GRPEL1: variants seen among roughly 807,000 people sequenced by gnomAD.
GRPEL1 encodes GrpE like 1, mitochondrial, also known as grpE protein homolog 1, mitochondrial.
A neutral mutation model predicts 22.1 loss-of-function variants in GRPEL1; 13 were observed. The observed-to-expected ratio is 0.59, with a 90% confidence interval of 0.38 to 0.94. GRPEL1 has a LOEUF of 0.94. GRPEL1 is among the 40% of genes least tolerant of loss of function. The pLI, the probability that GRPEL1 is intolerant of heterozygous loss-of-function variation, is 0.00. For synonymous variants in GRPEL1, 109 were observed against 105.3 expected, an observed-to-expected ratio of 1.03 and a Z score of -0.21; for missense variants, 289 against 264.6, an observed-to-expected ratio of 1.09 and a Z score of -0.64.
rs751222701 is a variant in GRPEL1, at chr4:7,064,128, G to A, written c.158C>T (p.Pro53Leu). 8 of 1,614,080 alleles carry A rather than the reference G, an allele frequency of 5.0e-6. No homozygotes were observed. The highest frequency in any genetic ancestry group is 6.8e-6 in the Non-Finnish European group (8 of 1,180,036). Residue 53 changes from proline (P) to leucine (L), a missense_variant, in exon 2 of 4, where the codon CCT becomes CTT. By Grantham distance (98) the Pro-to-Leu change is moderately conservative. Transcript: ENST00000264954. The part of the protein sequence containing the change: ...DMGQSEQKAD[P>L]PATEKTLLEE... ...CAGGAGGGTCTTCTCTGTAGCAGGA[G>A]GATCTGCCTTCTGTTCACTCTGACC...
chr4:7,064,847 T>TG (rs1724129843), intron 1 of GRPEL1, among the ~76,000 whole-genome samples: 1 of 152,104 alleles, frequency 6.6e-6, no homozygotes, highest in East Asian at 1.9e-4. Context: ...CAAGCTACAG[T>TG]ATGGTGGCAC....
chr4:7,064,323 ACT>A, intron 1 of GRPEL1, 100 bp from the exon 2 acceptor site: 1 of 1,251,794 alleles, frequency 8.0e-7, no homozygotes, highest in Non-Finnish European at 1.1e-6. Flanking sequence ...CAAACTATTT[ACT>A]ATTACTTGGG....
At position 7,059,643 on chromosome 4, in the gene GRPEL1, T is replaced by C. The variant is rs562119417; in HGVS notation, c.*1219A>G. On this transcript the variant is annotated 3_prime_UTR_variant, in exon 4 of 4. Coordinates refer to ENST00000264954, the MANE Select transcript of GRPEL1 (RefSeq NM_025196.4). The stretch of plus-strand genomic sequence containing the variant: ...ATTAGAAGTGAAATAAACTGCCCCA[T>C]CTTTCCTGTGCAGCAAATGGCTTTC... The C allele has an allele frequency of 5.2e-5, 8 of 152,390 alleles. No individual in the cohort carries two copies. Among genetic ancestry groups the C allele is most frequent in the African/African-American group, 1.9e-4 (8 of 41,598 alleles). 9.4% of individuals were successfully genotyped at this position (152,390 alleles called of 1,614,324 possible).
Position 7,060,549 on chromosome 4 carries a change from T to G in GRPEL1, c.*313A>C, listed in dbSNP as rs1196344836. ...GAATTCCCCAAGACCTTTTATTTGT[T>G]TAAAATACTTTGGTGTCAGCAGAGT... On this transcript the variant is annotated 3_prime_UTR_variant, in exon 4 of 4. Coordinates refer to ENST00000264954, the MANE Select transcript of GRPEL1 (RefSeq NM_025196.4). 8.8e-6 allele frequency: 3 copies of G among 339,842 alleles called. No homozygotes were observed. The highest frequency in any genetic ancestry group is 6.2e-5 in the African/African-American group (3 of 48,086). 21.1% of individuals were successfully genotyped at this position (339,842 alleles called of 1,614,324 possible). A position where few individuals can be genotyped will look rare whatever the true frequency, so the allele number is the denominator to read the frequency against.
At chr4:7,066,342 C>G (rs1724168739) in intron 1 of GRPEL1, among the ~76,000 whole-genome samples, 1 of 152,166 alleles carries the variant, frequency 6.6e-6, no homozygotes, top group African/African-American at 2.4e-5. Context: ...TTATGCAGCT[C>G]CTAAAAATGA....
chr4:7,067,633 G>A, intron 1 of GRPEL1: 3 of 383,150 alleles, frequency 7.8e-6, no homozygotes, highest in South Asian at 8.3e-5. Context: ...GCCCGTGAGC[G>A]CCGAGACCGT....
chr4:7,061,787 T>C (rs1724046831), intron 3 of GRPEL1: 1 of 154,188 alleles, frequency 6.5e-6, no homozygotes. Context: ...ACAGAGACTC[T>C]AGCTCTTAGT....
chr4:7,063,665 A>C (rs976302208), intron 2 of GRPEL1, among the ~76,000 whole-genome samples: 1 of 152,236 alleles, frequency 6.6e-6, no homozygotes, highest in Admixed American at 6.5e-5. Context: ...AATCCATGTT[A>C]CTAGTTCATA....
rs1042582295 is a variant in GRPEL1, at chr4:7,059,931, T to TGTGC, written c.*927_*930dup. 3 of 152,170 alleles carry TGTGC rather than the reference T, an allele frequency of 2.0e-5. No individual in the cohort carries two copies. Among genetic ancestry groups the TGTGC allele is most frequent in the African/African-American group, 7.2e-5 (3 of 41,422 alleles). 9.4% of individuals were successfully genotyped at this position (152,170 alleles called of 1,614,324 possible). A position where few individuals can be genotyped will look rare whatever the true frequency, so the allele number is the denominator to read the frequency against. On this transcript the variant is annotated 3_prime_UTR_variant, in exon 4 of 4. Coordinates refer to ENST00000264954, the MANE Select transcript of GRPEL1 (RefSeq NM_025196.4). Reference sequence around the variant, plus strand: ...AAGCCTGTATATGTGTGTACGTGAATGTGCACGCACGCACGTGTCAAGCTG... The same window carrying TGTGC: ...AAGCCTGTATATGTGTGTACGTGAATGTGCGTGCACGCACGCACGTGTCAAGCTG...
chr4:7,067,548 T>A (rs1214674029), intron 1 of GRPEL1: 1 of 210,764 alleles, frequency 4.7e-6, no homozygotes, highest in Non-Finnish European at 9.5e-6. Context: ...CGGCTCGGCC[T>A]CGCTGCGTGA....
At chr4:7,061,451 G>C (rs983203755) in intron 3 of GRPEL1, 22 of 472,044 alleles carry the variant, frequency 4.7e-5, no homozygotes, top group Non-Finnish European at 7.9e-5. Flanking sequence ...GTGCAGTAGA[G>C]GGGAAAATAC....
chr4:7,067,672 C>T, intron 1 of GRPEL1: 1 of 490,086 alleles, frequency 2.0e-6, no homozygotes, highest in Non-Finnish European at 3.6e-6. Flanking sequence ...GCCGCAGGCC[C>T]TGGACCACAC....
intron 3 of GRPEL1, 99 bp downstream of exon 3, chr4:7,062,286 C>T: frequency 1.9e-6 from 1 of 529,466 alleles, no homozygotes; most frequent in Non-Finnish European, 3.5e-6. Context: ...ACCCCCCACC[C>T]CACAGCCTTG....
chr4:7,063,919 G>T (rs937001111), intron 2 of GRPEL1, 142 bp downstream of exon 2: 9 of 888,362 alleles, frequency 1.0e-5, no homozygotes, highest in Non-Finnish European at 1.5e-5. Flanking sequence ...GCAGTAACTT[G>T]CCACCTGGGC....
Position 7,060,682 on chromosome 4 carries a change from C to T in GRPEL1, c.*180G>A. ...ACGCGTGGCACTAAAAGGGAACAGA[C>T]TCCCGAATTAGAGTTCATTAATGCA... On this transcript the variant is annotated 3_prime_UTR_variant, in exon 4 of 4. Transcript: ENST00000264954. The T allele has an allele frequency of 1.6e-6, 1 of 636,738 alleles. No individual in the cohort carries two copies. The highest frequency in any genetic ancestry group is 1.9e-5 in the South Asian group (1 of 52,776). 39.4% of individuals were successfully genotyped at this position (636,738 alleles called of 1,614,324 possible). A position where few individuals can be genotyped will look rare whatever the true frequency, so the allele number is the denominator to read the frequency against.
Position 7,062,492 on chromosome 4 carries a change from A to G in GRPEL1, c.226-26T>C, listed in dbSNP as rs28636568. 294 of 232,088 alleles carry G rather than the reference A, an allele frequency of 1.3e-3. 20 individuals are homozygous for G. In the African/African-American group the frequency reaches 0.016, roughly 13 times the overall value. The allele number at this position is 232,088 out of a possible 1,614,324, so 14.4% of individuals were successfully genotyped here. A position where few individuals can be genotyped will look rare whatever the true frequency, so the allele number is the denominator to read the frequency against. ...CTAAAAGAGAAAAAAAGGGATATTT[A>G]TATATATATATATATATATATATCT... On this transcript the variant is annotated intron_variant, in intron 2 of 3. Coordinates refer to ENST00000264954, the MANE Select transcript of GRPEL1 (RefSeq NM_025196.4).
In GRPEL1 at chr4:7,060,846, A is replaced by AC; in HGVS notation, c.*15dup. ...ACATCAAGTGAGTTTAAAAACACCC[A>AC]CCCCATCAACAGCAGCTAAGCTTCC... On this transcript the variant is annotated 3_prime_UTR_variant, in exon 4 of 4. Coordinates refer to ENST00000264954, the MANE Select transcript of GRPEL1 (RefSeq NM_025196.4). 6.3e-7 allele frequency: 1 copy of AC among 1,591,834 alleles called. No homozygotes were observed. Among genetic ancestry groups the AC allele is most frequent in the East Asian group, 2.2e-5 (1 of 44,732 alleles).
intron 3 of GRPEL1, 37 bp downstream of exon 3, chr4:7,062,348 T>C (rs1724059360): frequency 1.8e-6 from 2 of 1,122,892 alleles, no homozygotes; most frequent in Non-Finnish European, 2.7e-6. Flanking sequence ...CCCATTATCT[T>C]CTTTCCGGAA....
chr4:7,063,282 T>C (rs1488106074), intron 2 of GRPEL1, among the ~76,000 whole-genome samples: 1 of 151,866 alleles, frequency 6.6e-6, no homozygotes, highest in East Asian at 1.9e-4. Flanking sequence ...AGAGATGGAG[T>C]CTCACTATGT....
Sources: gnomAD v4.1 joint callset for allele counts (sites outside exome capture counted in the v4.1 genomes callset) on GRCh38, gnomAD v4.1.1 for gene constraint, MANE v1.5 for transcripts, NCBI Gene and HGNC (gene_info 2026-07-23, HGNC 2026-07-21) for gene names.